The following GGT1 variants were observed in gnomAD, a reference collection of about 807,000 sequenced individuals.
GGT1 encodes the protein gamma-glutamyltransferase 1.
Under a neutral mutation model 56.0 loss-of-function variants are expected in GGT1, and 21 were observed. That is an observed-to-expected ratio of 0.38 (90% CI 0.27 to 0.54). The LOEUF (loss-of-function observed/expected upper bound fraction) is 0.54. Ranked by LOEUF, GGT1 falls within the 20% of genes least tolerant of loss-of-function variation. The pLI is 0.82. For synonymous variants in GGT1, 238 were observed against 342.6 expected, an observed-to-expected ratio of 0.69 and a Z score of 3.37; for missense variants, 466 against 787.0, an observed-to-expected ratio of 0.59 and a Z score of 4.88.
At chr22:24,586,300 A>G in the GGT1 span, 1 of 1,614,014 alleles carries the variant, frequency 6.2e-7, no homozygotes, top group Non-Finnish European at 8.5e-7. Context: ...GCACAGCACC[A>G]TGGCTGCTCA....
chr22:24,588,485 C>G, the GGT1 span: 1 of 767,686 alleles, frequency 1.3e-6, no homozygotes, highest in Non-Finnish European at 2.1e-6. Context: ...TCCTACCCCC[C>G]AACCCGGCTG....
At chr22:24,606,517 C>G (rs1430717667) in intron 1 of GGT1, among the ~76,000 whole-genome samples, 2 of 152,198 alleles carry the variant, frequency 1.3e-5, no homozygotes, top group African/African-American at 4.8e-5. Flanking sequence ...GGGCCAAATC[C>G]CCTGATGTTC....
At chr22:24,619,671 C>T (rs397843138) in intron 7 of GGT1, among the ~76,000 whole-genome samples, 8 of 151,566 alleles carry the variant, frequency 5.3e-5, no homozygotes, top group African/African-American at 1.7e-4. Flanking sequence ...TCTCTGGGGC[C>T]GTAGAAAAGA....
rs200607258 is a variant in GGT1, at chr22:24,623,846, T to C, written c.950T>C (p.Val317Ala). The C allele has an allele frequency of 5.6e-5, 91 of 1,611,834 alleles. No homozygotes were observed. The African/African-American group carries it at 1.1e-3, about 19-fold the overall frequency. Residue 317 changes from valine to alanine, a missense_variant, in exon 11 of 16, where the codon GTA becomes GCA. Physicochemically the swap from Val to Ala is moderately conservative, Grantham distance 64. Around this residue, in one of 2 missense-constraint regions of GGT1, gnomAD observed 456 missense variants for 716.7 expected, o/e 0.64. Coordinates refer to ENST00000400382, the MANE Select transcript of GGT1 (RefSeq NM_001288833.2). ...AAGGGCCTGACGTACCACCGCATCG[T>C]AGAGGCTTTCCGGTTTGCCTACGCC... ...EQKGLTYHRI[V>A]EAFRFAYAKR...
At chr22:24,587,216 TAG>T in the GGT1 span, among the ~76,000 whole-genome samples, 3 of 152,034 alleles carry the variant, frequency 2.0e-5, no homozygotes, top group Non-Finnish European at 4.4e-5. Context: ...GCACCGGGGA[TAG>T]AGAGGGACAG....
chr22:24,588,565 C>T, the GGT1 span: 112 of 826,302 alleles, frequency 1.4e-4, no homozygotes, highest in Middle Eastern at 4.0e-4. Flanking sequence ...CCGCAGTGCC[C>T]GGCGGGAGGA....
intron 7 of GGT1, among the ~76,000 whole-genome samples, chr22:24,619,140 G>A (rs1395130678): frequency 6.6e-5 from 10 of 152,160 alleles, no homozygotes; most frequent in Non-Finnish European, 1.0e-4. Flanking sequence ...GCTCACGCCT[G>A]TAATCCCAGA....
At chr22:24,604,434 C>T (rs1169497506) in intron 1 of GGT1, among the ~76,000 whole-genome samples, 7 of 152,164 alleles carry the variant, frequency 4.6e-5, no homozygotes, top group African/African-American at 7.2e-5. Context: ...ATACTCCTCT[C>T]TCTGCTGCAT....
At chr22:24,605,531 T>C (rs1416614492) in intron 1 of GGT1, among the ~76,000 whole-genome samples, 1 of 40,334 alleles carries the variant, frequency 2.5e-5, no homozygotes, top group Non-Finnish European at 4.0e-5. Context: ...TATTATATAA[T>C]ATTATATAAT....
the GGT1 span, among the ~76,000 whole-genome samples, chr22:24,584,529 A>G: frequency 5.4e-4 from 83 of 152,310 alleles, no homozygotes; most frequent in Non-Finnish European, 1.1e-3. Context: ...TTATGCATCC[A>G]GCCAGACTGG....
chr22:24,589,844 G>T (rs765867399), upstream of GGT1: 2 of 1,613,606 alleles, frequency 1.2e-6, no homozygotes, highest in Non-Finnish European at 8.5e-7. Context: ...TGCAGGTCCC[G>T]GGCCAGGTTC....
upstream of GGT1, chr22:24,592,834 G>T: frequency 1.6e-6 from 2 of 1,275,584 alleles, no homozygotes; most frequent in South Asian, 4.6e-5. Context: ...CTGGCCGCCA[G>T]CCCAGGGGCG....
chr22:24,602,064 G>A (rs536984699), upstream of GGT1, among the ~76,000 whole-genome samples: 4 of 152,034 alleles, frequency 2.6e-5, no homozygotes, highest in African/African-American at 9.7e-5. Context: ...ACACTGGCCT[G>A]GCCTTGAACG....
Position 24,627,427 on chromosome 22 carries a change from G to C in GGT1, c.1021-5G>C, listed in dbSNP as rs200388418. 7.5e-6 allele frequency: 12 copies of C among 1,595,958 alleles called. No homozygotes were observed. The highest frequency in any genetic ancestry group is 1.1e-5 in the South Asian group (1 of 90,344). On this transcript the variant is annotated splice_polypyrimidine_tract_variant and splice_region_variant and intron_variant, in intron 11 of 15. Transcript: ENST00000400382. ...CTCCTCAGGCCAGCTCTGGGGTCTC[G>C]GCAGGTGGTCCGCAACATGACCTCC...
At chr22:24,588,700 C>T in the GGT1 span, 1 of 1,089,888 alleles carries the variant, frequency 9.2e-7, no homozygotes, top group Non-Finnish European at 1.1e-6. Flanking sequence ...GAGGCCAGAC[C>T]AGGCCCCTCG....
At chr22:24,594,423 G>GTC (rs2045656054), upstream of GGT1, among the ~76,000 whole-genome samples, 2 of 151,676 alleles carry the variant, frequency 1.3e-5, no homozygotes, top group South Asian at 4.2e-4. Flanking sequence ...GTGTGTGTGT[G>GTC]TGTCTGCTAA....
chr22:24,606,034 T>C (rs865921845), intron 1 of GGT1, among the ~76,000 whole-genome samples: 1 of 49,598 alleles, frequency 2.0e-5, no homozygotes, highest in Non-Finnish European at 3.9e-5. Context: ...TTATATAATT[T>C]ATATAATATA....
rs955095805 is a variant in GGT1 at position 24,620,248 on chromosome 22, G to A, written c.383-80G>A. ...TTGCCCCATCTGTAAAATGAGTCAG[G>A]GACTGTGCCTGGGATGCTGCCTGCG... is the stretch of plus-strand genomic sequence containing the variant. On this transcript the variant is annotated intron_variant, in intron 7 of 15. Transcript: ENST00000400382. The surrounding 1 kb of genome is among the most constrained non-coding windows in gnomAD (Gnocchi z 5.6). 7 of 1,493,932 alleles carry A rather than the reference G, an allele frequency of 4.7e-6. No homozygotes were observed. The African/African-American group carries it at 9.6e-5, about 20-fold the overall frequency. The allele number at this position is 1,493,932 out of a possible 1,614,324, so 92.5% of individuals were successfully genotyped here.
chr22:24,592,410 C>T (rs1405417360), upstream of GGT1: 2 of 470,840 alleles, frequency 4.2e-6, no homozygotes, highest in Admixed American at 4.7e-5. Flanking sequence ...CCAGGGTCCA[C>T]TGTCTCCCGG....
Sources: allele counts gnomAD v4.1 joint callset (sites outside exome capture counted in the v4.1 genomes callset), GRCh38; gene constraint gnomAD v4.1.1; regional missense constraint gnomAD v4.1.1; non-coding constraint Gnocchi (gnomAD v3.1); transcripts MANE v1.5; gene names NCBI Gene and HGNC (gene_info 2026-07-23, HGNC 2026-07-21).